TJP2: variants seen among roughly 807,000 people sequenced by gnomAD.
TJP2 encodes the protein tight junction protein 2.
A neutral mutation model predicts 133.1 loss-of-function variants in TJP2; 91 were observed. The observed-to-expected ratio is 0.68, with a 90% CI of 0.58 to 0.81. The LOEUF (loss-of-function observed/expected upper bound fraction) is 0.81, where lower values mean the gene tolerates loss of function less well. Ranked by LOEUF, TJP2 falls within the 40% of genes least tolerant of loss-of-function variation. The probability of loss-of-function intolerance (pLI) is 0.00; values close to 1 mark genes in which losing one functional copy is unlikely to be tolerated. For synonymous variants in TJP2, 592 were observed against 583.4 expected (o/e 1.01, Z -0.21); for missense variants, 1,541 against 1,565.6 (o/e 0.98, Z 0.26).
At chr9:69,243,957 G>A (rs889773818) in intron 17 of TJP2, among the ~76,000 whole-genome samples, 1 of 152,092 alleles carries the variant, frequency 6.6e-6, no homozygotes, top group Non-Finnish European at 1.5e-5. Context: ...GCCAAGGTGG[G>A]CAGGTCACTT....
At chr9:69,243,398 C>T (rs978040604) in intron 17 of TJP2, among the ~76,000 whole-genome samples, 4 of 152,194 alleles carry the variant, frequency 2.6e-5, no homozygotes, top group Non-Finnish European at 5.9e-5. Flanking sequence ...ACAAGTCTTA[C>T]AGTACTTCTC....
chr9:69,203,742 TA>T (rs2133142945), intron 1 of TJP2, among the ~76,000 whole-genome samples: 1 of 149,048 alleles, frequency 6.7e-6, no homozygotes, highest in East Asian at 2.0e-4. Context: ...GCCTCCCAAG[TA>T]TCTGGGACTA....
upstream of TJP2, among the ~76,000 whole-genome samples, chr9:69,170,799 C>T (rs1209199811): frequency 6.6e-6 from 1 of 152,176 alleles, no homozygotes; most frequent in African/African-American, 2.4e-5. Context: ...GTTCTGGCAA[C>T]TCAAGTCTGC....
At chr9:69,137,271 T>TTCTTTTTCTTTCTTTCTTTC (rs61042405) in intron 1 of TJP2, among the ~76,000 whole-genome samples, 15 of 92,074 alleles carry the variant, frequency 1.6e-4, no homozygotes, top group African/African-American at 7.4e-4. Context: ...CTTTCTTTCT[T>TTCTTTTTCTTTCTTTCTTTC]TTTCTTTCTT....
chr9:69,173,594 TC>T (rs1347724111), upstream of TJP2, among the ~76,000 whole-genome samples: 2 of 152,154 alleles, frequency 1.3e-5, no homozygotes, highest in African/African-American at 4.8e-5. Flanking sequence ...AATACGAACA[TC>T]TTATAACCCT....
chr9:69,167,243 A>G (rs1367071622), intron 2 of TJP2, among the ~76,000 whole-genome samples: 1 of 152,148 alleles, frequency 6.6e-6, no homozygotes, highest in Non-Finnish European at 1.5e-5. Context: ...CAAAAACATA[A>G]AAATAAAAAT....
At position 69,191,440 on chromosome 9, in the gene TJP2, A is replaced by G. The variant is rs76975556; in HGVS notation, c.60+17008A>G. On this transcript the variant is annotated intron_variant, in intron 1 of 22. Transcript: ENST00000377245. ...AGTTCGTTATTTCCTGTCAGAGGAAACTTCAGAGTAACAATAAAGTGCTGG... is the reference window on the plus strand; with the variant it reads ...AGTTCGTTATTTCCTGTCAGAGGAAGCTTCAGAGTAACAATAAAGTGCTGG... Among the ~76,000 whole-genome samples the G allele has an allele frequency of 6.3e-3, 960 of 152,304 alleles. 4 individuals are homozygous for G. Among genetic ancestry groups the G allele is most frequent in the African/African-American group, 0.022 (912 of 41,564 alleles).
chr9:69,149,652 GAA>G (rs1823376084), intron 1 of TJP2, among the ~76,000 whole-genome samples: 1 of 152,186 alleles, frequency 6.6e-6, no homozygotes, highest in Non-Finnish European at 1.5e-5. Flanking sequence ...TCCTCCCACT[GAA>G]AGTTTTTCCT....
At chr9:69,193,249 C>T (rs1826326730) in intron 1 of TJP2, among the ~76,000 whole-genome samples, 1 of 152,002 alleles carries the variant, frequency 6.6e-6, no homozygotes, top group Non-Finnish European at 1.5e-5. Context: ...TTTCTAATTT[C>T]ATCTAAATTA....
At chr9:69,151,704 G>C (rs1406497831) in exon 2 of TJP2, 13 of 1,232,064 alleles carry the variant, frequency 1.1e-5, no homozygotes, top group Non-Finnish European at 1.3e-5. Context: ...TGGCACCCCG[G>C]CTGCAGCTCC....
intron 1 of TJP2, among the ~76,000 whole-genome samples, chr9:69,199,760 T>C (rs1826854966): frequency 6.6e-6 from 1 of 152,116 alleles, no homozygotes; most frequent in Non-Finnish European, 1.5e-5. Context: ...TCCAGTAACA[T>C]GTATTAAGGA....
At chr9:69,129,180 A>C (rs1822381318) in intron 1 of TJP2, among the ~76,000 whole-genome samples, 1 of 152,240 alleles carries the variant, frequency 6.6e-6, no homozygotes, top group South Asian at 2.1e-4. Context: ...CAAACGGACT[A>C]GTGTACATGG....
chr9:69,125,634 G>T lies in TJP2; in HGVS notation c.-131+3909G>T, dbSNP rs1283541607. Among the ~76,000 whole-genome samples, 52 of 76,198 alleles carry T rather than the reference G, an allele frequency of 6.8e-4. 18 individuals are homozygous for T. The highest frequency in any genetic ancestry group is 2.1e-3 in the African/African-American group (52 of 24,916). The allele number at this position is 76,198 out of a possible 152,430, so 50.0% of individuals were successfully genotyped here. On this transcript the variant is annotated intron_variant, in intron 1 of 5. Transcript: ENST00000423935. ...TTGATTCTGATATGTAATTAGGTTT[G>T]GGGGTCACTAGAATAAACACATGCA...
intron 1 of TJP2, chr9:69,205,464 C>A: frequency 2.2e-6 from 2 of 915,004 alleles, no homozygotes; most frequent in Non-Finnish European, 1.6e-6. Flanking sequence ...CTTACTGGAT[C>A]TGTGGATCAA....
intron 1 of TJP2, among the ~76,000 whole-genome samples, chr9:69,175,693 T>C (rs1193210627): frequency 6.6e-6 from 1 of 152,162 alleles, no homozygotes; most frequent in African/African-American, 2.4e-5. Flanking sequence ...AAGAATCCGA[T>C]GAGTGCCATT....
At chr9:69,218,791 A>T (rs1218958379) in intron 4 of TJP2, among the ~76,000 whole-genome samples, 2 of 152,178 alleles carry the variant, frequency 1.3e-5, no homozygotes, top group Non-Finnish European at 2.9e-5. Context: ...TCATTCATTC[A>T]CTGGCTGAGA....
chr9:69,205,233 T>C, intron 1 of TJP2: 1 of 1,537,266 alleles, frequency 6.5e-7, no homozygotes, highest in Non-Finnish European at 8.7e-7. Context: ...GGAAAGGCCG[T>C]GTGAGTCCCT....
At chr9:69,179,215 A>G (rs898902148) in intron 1 of TJP2, among the ~76,000 whole-genome samples, 2 of 152,220 alleles carry the variant, frequency 1.3e-5, no homozygotes, top group African/African-American at 4.8e-5. Context: ...AGTAACTTGT[A>G]CTTTAGTCAT....
intron 2 of TJP2, among the ~76,000 whole-genome samples, chr9:69,168,414 G>A (rs1055584294): frequency 6.6e-6 from 1 of 152,052 alleles, no homozygotes; most frequent in Non-Finnish European, 1.5e-5. Flanking sequence ...AAACAGTGTC[G>A]AAGCTATTTA....
Sources: gnomAD v4.1 joint callset for allele counts (sites outside exome capture counted in the v4.1 genomes callset) on GRCh38, gnomAD v4.1.1 for gene constraint, MANE v1.5 for transcripts, NCBI Gene and HGNC (gene_info 2026-07-23, HGNC 2026-07-21) for gene names.